FOXP1: variants seen among roughly 807,000 people sequenced by gnomAD.
FOXP1 encodes the protein forkhead box P1, also known as forkhead box protein P1.
A neutral mutation model predicts 98.2 loss-of-function variants in FOXP1; 15 were observed. That is an observed-to-expected ratio of 0.15 (90% confidence interval 0.10 to 0.24). The LOEUF (loss-of-function observed/expected upper bound fraction) is 0.24. Among genes scored for constraint, FOXP1 ranks in the 10% least tolerant of loss-of-function variants. The pLI, the probability that FOXP1 is intolerant of heterozygous loss-of-function variation, is 1.00. For missense variants in FOXP1, 633 were observed against 848.5 expected, an observed-to-expected ratio of 0.75 and a Z score of 3.15; for synonymous variants, 371 against 314.5, an observed-to-expected ratio of 1.18 and a Z score of -1.90.
At chr3:71,242,155 C>G (rs762047184) in intron 5 of FOXP1, among the ~76,000 whole-genome samples, 6 of 152,162 alleles carry the variant, frequency 3.9e-5, no homozygotes, top group Non-Finnish European at 7.3e-5. Flanking sequence ...TGACCTGTCT[C>G]GAACAAGCAA....
chr3:71,228,169 G>A (rs1480241043), intron 5 of FOXP1, among the ~76,000 whole-genome samples: 3 of 152,032 alleles, frequency 2.0e-5, no homozygotes, highest in Non-Finnish European at 4.4e-5. Flanking sequence ...AACACATCAC[G>A]GAAAGAGAGG....
Position 71,041,315 on chromosome 3 carries a change from G to T in FOXP1, c.869+13C>A, listed in dbSNP as rs1202267195. On this transcript the variant is annotated intron_variant, in intron 11 of 20. Transcript: ENST00000649528. ...AAGGCAGTTTTGGACCCATCTCAGT[G>T]GCTGGTTCCTACCTTTCCCTTTTGG... is the stretch of plus-strand genomic sequence containing the variant. 2 of 1,611,666 alleles carry T rather than the reference G, an allele frequency of 1.2e-6. No homozygotes were observed. The highest frequency in any genetic ancestry group is 2.2e-5 in the South Asian group (2 of 91,030).
intron 3 of FOXP1, among the ~76,000 whole-genome samples, chr3:71,426,077 C>T (rs578217772): frequency 6.6e-6 from 1 of 152,158 alleles, no homozygotes; most frequent in Admixed American, 6.5e-5. Context: ...AGCTCTGATC[C>T]TATGAGATGT....
At chr3:71,469,017 GGCGCTGGGTGTT>G (rs1193229877) in intron 3 of FOXP1, among the ~76,000 whole-genome samples, 1 of 152,172 alleles carries the variant, frequency 6.6e-6, no homozygotes, top group Non-Finnish European at 1.5e-5. Flanking sequence ...CAATTCCACC[GGCGCTGGGTGTT>G]GCCTTGTAAA....
At chr3:71,248,611 C>T (rs759499094) in intron 5 of FOXP1, among the ~76,000 whole-genome samples, 14 of 152,114 alleles carry the variant, frequency 9.2e-5, no homozygotes, top group South Asian at 2.1e-4. Flanking sequence ...CATAGTGGCG[C>T]GCACATGTAA....
At position 70,956,745 on chromosome 3, in the gene FOXP1, T is replaced by G. The variant is rs1263436228; in HGVS notation, c.*2502A>C. The G allele has an allele frequency of 1.2e-5, 2 of 165,556 alleles. No individual in the cohort carries two copies. Among genetic ancestry groups the G allele is most frequent in the South Asian group, 5.6e-4 (2 of 3,552 alleles). 10.3% of individuals were successfully genotyped at this position (165,556 alleles called of 1,614,324 possible). Reference sequence around the variant, plus strand: ...CTGCCTGGAAAAGTTTTTTTTTTTTTTTTTTTTTTTTTTTTTTTTTTTTTT... The same window carrying G: ...CTGCCTGGAAAAGTTTTTTTTTTTTGTTTTTTTTTTTTTTTTTTTTTTTTT... On this transcript the variant is annotated 3_prime_UTR_variant, in exon 21 of 21. Coordinates refer to ENST00000649528, the MANE Select transcript of FOXP1 (RefSeq NM_001349338.3).
intron 20 of FOXP1, among the ~76,000 whole-genome samples, chr3:70,964,971 G>A (rs1047771836): frequency 2.6e-5 from 4 of 152,096 alleles, no homozygotes; most frequent in African/African-American, 9.7e-5. Context: ...TAAGATGTTG[G>A]TCAGTAATTC....
At chr3:71,226,885 G>A (rs2065884092) in intron 5 of FOXP1, among the ~76,000 whole-genome samples, 1 of 152,130 alleles carries the variant, frequency 6.6e-6, no homozygotes, top group Admixed American at 6.5e-5. Flanking sequence ...CAGTCACACT[G>A]GTCAGACTGG....
intron 2 of FOXP1, among the ~76,000 whole-genome samples, chr3:71,540,690 G>T (rs552078786): frequency 6.6e-6 from 1 of 152,264 alleles, no homozygotes; most frequent in African/African-American, 2.4e-5. Flanking sequence ...ATTCACCTAA[G>T]GCCTCGCTTC....
At chr3:71,553,460 T>C (rs1040510090) in intron 2 of FOXP1, among the ~76,000 whole-genome samples, 3 of 152,166 alleles carry the variant, frequency 2.0e-5, no homozygotes, top group Non-Finnish European at 4.4e-5. Flanking sequence ...GGCTTCCAAA[T>C]ACAGTTACAG....
At chr3:71,031,248 G>C (rs193213435) in intron 11 of FOXP1, among the ~76,000 whole-genome samples, 1 of 152,314 alleles carries the variant, frequency 6.6e-6, no homozygotes, top group East Asian at 1.9e-4. Flanking sequence ...GCAATGGAGA[G>C]AAAGAGAGAG....
intron 6 of FOXP1, among the ~76,000 whole-genome samples, chr3:71,157,766 C>G (rs890072147): frequency 5.3e-5 from 8 of 152,060 alleles, no homozygotes; most frequent in Admixed American, 5.2e-4. Flanking sequence ...AGTCAAGGTG[C>G]CTGTCCTCAT....
rs62257223 is a variant in FOXP1, at chr3:71,008,544, C to T, written c.974+7005G>A. On this transcript the variant is annotated intron_variant, in intron 12 of 20. Coordinates refer to ENST00000649528, the MANE Select transcript of FOXP1 (RefSeq NM_001349338.3). ...ACCTGCTGCTATCAGTTAGCACTAA[C>T]AAATGCAACAGTCACATGATAACTC... 3.7e-3 allele frequency among the ~76,000 whole-genome samples: 556 copies of T among 152,060 alleles called. 1 individual carries two copies. Among genetic ancestry groups the T allele is most frequent in the Middle Eastern group, 0.01 (3 of 294 alleles).
intron 6 of FOXP1, among the ~76,000 whole-genome samples, chr3:71,176,477 G>A (rs1221885570): frequency 6.6e-6 from 1 of 152,136 alleles, no homozygotes; most frequent in Non-Finnish European, 1.5e-5. Context: ...CTGGAGGTAT[G>A]GTTCAGATCC....
In FOXP1 at chr3:70,958,941, T is replaced by A; in HGVS notation, c.*306A>T. ...TTCAAAGTCTGCTGCTAAAAGTGAA[T>A]CAGTTTAGCAAATTTACAACACTGA... is the stretch of plus-strand genomic sequence containing the variant. On this transcript the variant is annotated 3_prime_UTR_variant, in exon 21 of 21. Coordinates refer to ENST00000649528, the MANE Select transcript of FOXP1 (RefSeq NM_001349338.3). 1 of 429,276 alleles carries A rather than the reference T, an allele frequency of 2.3e-6. No individual in the cohort carries two copies. The highest frequency in any genetic ancestry group is 4.1e-5 in the East Asian group (1 of 24,296). The allele number at this position is 429,276 out of a possible 1,614,324, so 26.6% of individuals were successfully genotyped here. A position where few individuals can be genotyped will look rare whatever the true frequency, so the allele number is the denominator to read the frequency against.
chr3:70,984,638 T>C (rs2039426982), intron 14 of FOXP1, among the ~76,000 whole-genome samples: 1 of 152,182 alleles, frequency 6.6e-6, no homozygotes, highest in African/African-American at 2.4e-5. Flanking sequence ...ATGCAGAAAT[T>C]CCCTTTCCAT....
At chr3:71,208,536 T>TTCTGTGTG (rs10529764) in intron 5 of FOXP1, among the ~76,000 whole-genome samples, 19,086 of 149,222 alleles carry the variant, frequency 0.13, 1,569 homozygotes, top group Middle Eastern at 0.28. Flanking sequence ...GCATTTAAGT[T>TTCTGTGTG]TGTGTGTGTG....
intron 11 of FOXP1, among the ~76,000 whole-genome samples, chr3:71,028,996 A>G (rs1042160005): frequency 6.6e-6 from 1 of 152,296 alleles, no homozygotes; most frequent in Middle Eastern, 3.4e-3. Context: ...GCGGCTGTAA[A>G]TACAGATGGA....
chr3:71,004,590 A>C (rs1442154650), intron 12 of FOXP1, among the ~76,000 whole-genome samples: 2 of 152,200 alleles, frequency 1.3e-5, no homozygotes, highest in African/African-American at 4.8e-5. Flanking sequence ...AAAATTACAG[A>C]TATAACTAAA....
Sources: allele counts gnomAD v4.1 joint callset (sites outside exome capture counted in the v4.1 genomes callset), GRCh38; gene constraint gnomAD v4.1.1; transcripts MANE v1.5; gene names NCBI Gene and HGNC (gene_info 2026-07-23, HGNC 2026-07-21).